The following DGKB variants were observed in gnomAD, a reference collection of about 807,000 sequenced individuals.
DGKB encodes the protein diacylglycerol kinase beta.
DGKB carries 67 observed loss-of-function variants against 114.3 expected under a neutral mutation model. That is an observed-to-expected ratio of 0.59 (90% confidence interval 0.48 to 0.72). DGKB has a LOEUF of 0.72. Among genes scored for constraint, DGKB ranks in the 30% least tolerant of loss-of-function variants. The pLI, the probability that DGKB is intolerant of heterozygous loss-of-function variation, is 0.00. For synonymous variants in DGKB, 398 were observed against 323.1 expected (o/e 1.23, Z -2.49); for missense variants, 907 against 975.2 (o/e 0.93, Z 0.93).
chr7:14,527,721 G>A (rs12699632), intron 20 of DGKB, among the ~76,000 whole-genome samples: 1 of 151,728 alleles, frequency 6.6e-6, no homozygotes, highest in Non-Finnish European at 1.5e-5. Context: ...TAATGAAATA[G>A]AATTATAATG....
intron 20 of DGKB, among the ~76,000 whole-genome samples, chr7:14,508,699 T>G (rs1388960625): frequency 1.3e-5 from 2 of 152,188 alleles, no homozygotes. Flanking sequence ...AAGTTGATAC[T>G]GAACTTCTAG....
intron 21 of DGKB, among the ~76,000 whole-genome samples, chr7:14,443,210 C>A (rs752002486): frequency 7.9e-5 from 12 of 151,804 alleles, no homozygotes; most frequent in Non-Finnish European, 1.5e-4. Context: ...TTCCTTTTAC[C>A]GGTTTGGAAG....
chr7:14,853,054 C>T (rs1849619318), intron 1 of DGKB, among the ~76,000 whole-genome samples: 1 of 152,112 alleles, frequency 6.6e-6, no homozygotes, highest in Non-Finnish European at 1.5e-5. Context: ...TAATATCTTT[C>T]AAACCTTTAA....
chr7:14,770,974 T>C (rs1445690715), intron 2 of DGKB, among the ~76,000 whole-genome samples: 1 of 151,942 alleles, frequency 6.6e-6, no homozygotes, highest in Non-Finnish European at 1.5e-5. Context: ...CTTCACAGGA[T>C]ATGTTTAGAA....
chr7:14,618,136 A>ACG (rs1014618863), intron 15 of DGKB, among the ~76,000 whole-genome samples: 1 of 151,416 alleles, frequency 6.6e-6, no homozygotes, highest in Non-Finnish European at 1.5e-5. Flanking sequence ...ACACACACAC[A>ACG]CACGTACACA....
chr7:14,816,164 C>T (rs999380095), intron 2 of DGKB, among the ~76,000 whole-genome samples: 9 of 151,976 alleles, frequency 5.9e-5, no homozygotes, highest in African/African-American at 2.2e-4. Flanking sequence ...AATCCCGTCT[C>T]TACTAATAAA....
intron 13 of DGKB, among the ~76,000 whole-genome samples, chr7:14,661,580 A>C (rs1817087412): frequency 6.6e-6 from 1 of 151,952 alleles, no homozygotes; most frequent in Admixed American, 6.6e-5. Context: ...GATGTGGAGA[A>C]ATAGGAACAC....
intron 13 of DGKB, among the ~76,000 whole-genome samples, chr7:14,633,976 A>G (rs974177311): frequency 6.6e-6 from 1 of 151,496 alleles, no homozygotes; most frequent in African/African-American, 2.4e-5. Flanking sequence ...TTGACAATTT[A>G]ATCCAAATTG....
intron 23 of DGKB, among the ~76,000 whole-genome samples, chr7:14,220,658 A>C (rs1789785316): frequency 6.6e-6 from 1 of 151,542 alleles, no homozygotes; most frequent in Non-Finnish European, 1.5e-5. Context: ...TTCTGTAAAG[A>C]AGCCAGCTAG....
chr7:14,275,369 T>G lies in DGKB; in HGVS notation c.2122+63146A>C, dbSNP rs143331524. 4.3e-4 allele frequency among the ~76,000 whole-genome samples: 65 copies of G among 152,324 alleles called. No individual in the cohort carries two copies. The East Asian group carries it at 0.012, about 29-fold the overall frequency. On this transcript the variant is annotated intron_variant, in intron 23 of 25. Coordinates refer to ENST00000402815, the MANE Select transcript of DGKB (RefSeq NM_001350709.2). Reference sequence around the variant, plus strand: ...TGAAATAATATTGGATTATGAGCATTCTTTTCACCAAGAATGAAACACAAA... The same window carrying G: ...TGAAATAATATTGGATTATGAGCATGCTTTTCACCAAGAATGAAACACAAA...
At chr7:14,210,186 G>T (rs17167977) in intron 23 of DGKB, among the ~76,000 whole-genome samples, 3,715 of 152,116 alleles carry the variant, frequency 0.024, 109 homozygotes, top group East Asian at 0.093. Flanking sequence ...TATCTCCTAT[G>T]TTCCTAGTCC....
chr7:14,765,279 C>T (rs2128461092), intron 2 of DGKB, among the ~76,000 whole-genome samples: 1 of 152,082 alleles, frequency 6.6e-6, no homozygotes, highest in South Asian at 2.1e-4. Flanking sequence ...AAGTCACTCT[C>T]TACTTGTTCC....
chr7:14,311,766 T>C (rs990104093), intron 23 of DGKB, among the ~76,000 whole-genome samples: 1 of 152,212 alleles, frequency 6.6e-6, no homozygotes, highest in African/African-American at 2.4e-5. Flanking sequence ...ATTTATATTG[T>C]CAGAAACAAT....
chr7:14,594,724 C>T (rs1802262049), intron 17 of DGKB, among the ~76,000 whole-genome samples: 1 of 151,964 alleles, frequency 6.6e-6, no homozygotes, highest in Admixed American at 6.6e-5. Flanking sequence ...TTATTCTGTA[C>T]ACATCAGATC....
At chr7:14,883,675 C>T (rs904071971) in intron 1 of DGKB, among the ~76,000 whole-genome samples, 2 of 151,706 alleles carry the variant, frequency 1.3e-5, no homozygotes, top group African/African-American at 4.8e-5. Context: ...GTCCCTTTTT[C>T]GGAACCTTTA....
At chr7:14,704,926 A>C (rs1335417200) in intron 6 of DGKB, among the ~76,000 whole-genome samples, 1 of 152,154 alleles carries the variant, frequency 6.6e-6, no homozygotes, top group Non-Finnish European at 1.5e-5. Flanking sequence ...CCTCCTCCAA[A>C]GGAACGCAGC....
chr7:14,823,606 T>C (rs1845250960), intron 2 of DGKB, among the ~76,000 whole-genome samples: 1 of 152,110 alleles, frequency 6.6e-6, no homozygotes, highest in Non-Finnish European at 1.5e-5. Flanking sequence ...TCATTATTTT[T>C]GACACTGGGA....
At chr7:14,448,602 C>A (rs575687193) in intron 21 of DGKB, among the ~76,000 whole-genome samples, 2 of 152,168 alleles carry the variant, frequency 1.3e-5, no homozygotes, top group African/African-American at 4.8e-5. Flanking sequence ...TAAACACTTA[C>A]AAATGCACTT....
At chr7:14,219,424 G>A (rs927892915) in intron 23 of DGKB, among the ~76,000 whole-genome samples, 1 of 151,770 alleles carries the variant, frequency 6.6e-6, no homozygotes, top group Non-Finnish European at 1.5e-5. Context: ...CACATTCTTG[G>A]CAACACTTAG....
Sources: gnomAD v4.1 joint callset for allele counts (sites outside exome capture counted in the v4.1 genomes callset) on GRCh38, gnomAD v4.1.1 for gene constraint, MANE v1.5 for transcripts, NCBI Gene and HGNC (gene_info 2026-07-23, HGNC 2026-07-21) for gene names.